Variants in KIF7 observed in about 807,000 individuals in gnomAD.
The protein encoded by KIF7 is kinesin-like protein KIF7.
Under a neutral mutation model 135.7 loss-of-function variants are expected in KIF7, and 104 were observed. The ratio of observed to expected loss-of-function variants is 0.77; its 90% CI spans 0.65 to 0.90. The LOEUF (loss-of-function observed/expected upper bound fraction) is 0.90, where lower values mean the gene tolerates loss of function less well. Among genes scored for constraint, KIF7 ranks in the 40% least tolerant of loss-of-function variants. KIF7 has a pLI of 0.00. For synonymous variants in KIF7, 883 were observed against 809.4 expected (o/e 1.09, Z -1.54); for missense variants, 2,005 against 1,839.1 (o/e 1.09, Z -1.65).
downstream of KIF7, chr15:89,625,081 AAGG>A (rs754180440): frequency 1.2e-6 from 2 of 1,613,982 alleles, no homozygotes; most frequent in Non-Finnish European, 1.7e-6. Flanking sequence ...GCCCCTCAGC[AAGG>A]AGGAGAGCTC....
At chr15:89,623,936 A>G, downstream of KIF7, 2 of 1,613,910 alleles carry the variant, frequency 1.2e-6, no homozygotes, top group Non-Finnish European at 1.7e-6. Flanking sequence ...TTTTTGCCAA[A>G]CTGTACTTGG....
chr15:89,634,478 C>T (rs1378160117), intron 11 of KIF7, among the ~76,000 whole-genome samples: 5 of 152,114 alleles, frequency 3.3e-5, no homozygotes, highest in South Asian at 2.1e-4. Context: ...GCGCACCGTG[C>T]GCGAGCCGAA....
chr15:89,637,724 C>T (rs936420955), intron 11 of KIF7, among the ~76,000 whole-genome samples: 109 of 144,718 alleles, frequency 7.5e-4, no homozygotes, highest in Non-Finnish European at 1.3e-3. Context: ...GATTCACAGC[C>T]GAATTCTACC....
chr15:89,651,903 T>C (rs1964129562), intron 2 of KIF7, among the ~76,000 whole-genome samples: 1 of 152,166 alleles, frequency 6.6e-6, no homozygotes, highest in Non-Finnish European at 1.5e-5. Flanking sequence ...AGACCCCTTC[T>C]GTGTACTACC....
chr15:89,623,527 C>CTA, downstream of KIF7: 3 of 1,242,146 alleles, frequency 2.4e-6, no homozygotes, highest in Non-Finnish European at 3.4e-6. Context: ...CTTTGGCTGA[C>CTA]TATAAATCTC....
intron 6 of KIF7, 41 bp from the exon 7 acceptor site, chr15:89,647,098 C>T: frequency 6.6e-7 from 1 of 1,514,288 alleles, no homozygotes. Context: ...CATGAATGCC[C>T]CGACAGGCAG....
At chr15:89,625,774 G>T (rs758214359), downstream of KIF7, 19 of 1,602,402 alleles carry the variant, frequency 1.2e-5, no homozygotes, top group Admixed American at 2.4e-4. Context: ...AGACGAAGAG[G>T]TGTTTGTTTC....
At chr15:89,662,785 A>G in the KIF7 span, among the ~76,000 whole-genome samples, 2 of 152,238 alleles carry the variant, frequency 1.3e-5, no homozygotes, top group Non-Finnish European at 2.9e-5. Context: ...GAGCCAAGGA[A>G]GCAAATGTCT....
At chr15:89,630,004 G>T in intron 16 of KIF7, 1 of 546,412 alleles carries the variant, frequency 1.8e-6, no homozygotes, top group African/African-American at 1.9e-5. Context: ...ATGGCCAAAT[G>T]TCACAAAAGG....
At chr15:89,657,310 CA>C (rs369464990), upstream of KIF7, among the ~76,000 whole-genome samples, 265 of 98,656 alleles carry the variant, frequency 2.7e-3, no homozygotes, top group Admixed American at 4.1e-3. Context: ...GACCCTGTCT[CA>C]AAAAAAAAAA....
intron 11 of KIF7, among the ~76,000 whole-genome samples, 157 bp downstream of exon 11, chr15:89,642,046 C>G (rs755214251): frequency 6.6e-6 from 1 of 152,210 alleles, no homozygotes; most frequent in South Asian, 2.1e-4. Context: ...GGGCGGACCC[C>G]CAGCTTCTAT....
rs759367222 is a variant in KIF7, at chr15:89,631,677, G to T, written c.2929C>A (p.Arg977=). 2.6e-6 allele frequency: 4 copies of T among 1,558,222 alleles called. No homozygotes were observed. Among genetic ancestry groups the T allele is most frequent in the South Asian group, 1.2e-5 (1 of 84,860 alleles). The change falls in exon 15 of 19, where the codon CGG becomes AGG. Residue 977 remains arginine (R), a synonymous_variant. Coordinates refer to ENST00000394412, the MANE Select transcript of KIF7 (RefSeq NM_198525.3). ...AGCTCCTTCTCCAGGTGCTCCAGCC[G>T]GCTGGACACTCGCACGATGTCCTCG... The part of the protein sequence containing the change: ...LNEDIVRVSS[R]LEHLEKELSE...
At chr15:89,636,217 C>A (rs1963804682) in intron 11 of KIF7, among the ~76,000 whole-genome samples, 1 of 151,806 alleles carries the variant, frequency 6.6e-6, no homozygotes, top group African/African-American at 2.4e-5. Context: ...CCAGCCGCTG[C>A]AAAATCATGC....
Position 89,632,872 on chromosome 15 carries a change from G to A in KIF7, c.2843C>T (p.Ala948Val), listed in dbSNP as rs138410620. Reference sequence around the variant, plus strand: ...CAGCCCCGTCTTCTCCTGCATCAGGGCCTCCTTCTTGGCCAGGATGGCCTC... The same window carrying A: ...CAGCCCCGTCTTCTCCTGCATCAGGACCTCCTTCTTGGCCAGGATGGCCTC... ...KREAILAKKE[A>V]LMQEKTGLES... Residue 948 changes from alanine to valine, a missense_variant, in exon 14 of 19, where the codon GCC becomes GTC. Physicochemically the swap from Ala to Val is moderately conservative, Grantham distance 64. Transcript: ENST00000394412. The A allele has an allele frequency of 5.0e-6, 8 of 1,609,898 alleles. No homozygotes were observed. Among genetic ancestry groups the A allele is most frequent in the Admixed American group, 1.7e-5 (1 of 59,978 alleles).
chr15:89,629,054 C>G lies in KIF7; in HGVS notation c.3586G>C (p.Glu1196Gln). The change falls in exon 18 of 19, where the codon GAA becomes CAA. Residue 1196 changes from glutamate (E) to glutamine (Q), a missense_variant. Coordinates refer to ENST00000394412, the MANE Select transcript of KIF7 (RefSeq NM_198525.3). Reference protein sequence around the residue: ...YEARIQALEKELGRYMWINQE... With the variant: ...YEARIQALEKQLGRYMWINQE... ...TTTATCCACATGTAACGGCCCAGTT[C>G]CTTCTCCAGAGCTTGAATCCGGGCC... 3.1e-6 allele frequency: 5 copies of G among 1,613,474 alleles called. No individual in the cohort carries two copies. Among genetic ancestry groups the G allele is most frequent in the Non-Finnish European group, 4.2e-6 (5 of 1,179,936 alleles).
intron 5 of KIF7, 144 bp downstream of exon 5, chr15:89,648,111 T>G: frequency 7.4e-7 from 1 of 1,344,418 alleles, no homozygotes; most frequent in Non-Finnish European, 9.6e-7. Flanking sequence ...GTGACCACGG[T>G]AATCAGCAGA....
At chr15:89,625,110 C>A, downstream of KIF7, 1 of 1,613,900 alleles carries the variant, frequency 6.2e-7, no homozygotes, top group Non-Finnish European at 8.5e-7. Context: ...GAGAAGAGAG[C>A]TTCCTCCCTG....
chr15:89,628,839 G>A (rs1411191904), intron 18 of KIF7, 53 bp from the exon 19 acceptor site: 34 of 1,611,482 alleles, frequency 2.1e-5, no homozygotes, highest in South Asian at 9.9e-5. Context: ...ACACCTTCCC[G>A]AAGCCCTAGC....
intron 11 of KIF7, among the ~76,000 whole-genome samples, chr15:89,639,058 T>G (rs1963867426): frequency 6.6e-6 from 1 of 152,076 alleles, no homozygotes; most frequent in Admixed American, 6.6e-5. Context: ...CCCTATTTAA[T>G]AAATGGTGCT....
Sources: allele counts gnomAD v4.1 joint callset (sites outside exome capture counted in the v4.1 genomes callset), GRCh38; gene constraint gnomAD v4.1.1; transcripts MANE v1.5; gene names NCBI Gene and HGNC (gene_info 2026-07-23, HGNC 2026-07-21).